The following TRAF3IP1 variants were observed in gnomAD, a reference collection of about 807,000 sequenced individuals.
TRAF3IP1 encodes intraflagellar transport 54, also known as TRAF3-interacting protein 1.
TRAF3IP1 carries 53 observed loss-of-function variants against 89.9 expected under a neutral mutation model. The observed-to-expected ratio is 0.59, with a 90% confidence interval of 0.47 to 0.74. The LOEUF is 0.74. Among genes scored for constraint, TRAF3IP1 ranks in the 30% least tolerant of loss-of-function variants. The pLI is 0.00. For missense variants in TRAF3IP1, 806 were observed against 866.1 expected, an observed-to-expected ratio of 0.93 and a Z score of 0.87; for synonymous variants, 311 against 322.1, an observed-to-expected ratio of 0.97 and a Z score of 0.37.
At chr2:238,326,962 C>A (rs750766671) in intron 3 of TRAF3IP1, among the ~76,000 whole-genome samples, 7 of 152,202 alleles carry the variant, frequency 4.6e-5, no homozygotes, top group Non-Finnish European at 7.3e-5. Flanking sequence ...TGTTTCTCAT[C>A]TTTCTAAAAA....
chr2:238,358,959 G>T (rs908154481), intron 15 of TRAF3IP1, among the ~76,000 whole-genome samples: 1 of 152,152 alleles, frequency 6.6e-6, no homozygotes, highest in Admixed American at 6.5e-5. Context: ...AATACTTCAG[G>T]CTTTTTGAGC....
At chr2:238,328,892 A>G in intron 4 of TRAF3IP1, 34 bp from the exon 5 acceptor site, 1 of 1,584,928 alleles carries the variant, frequency 6.3e-7, no homozygotes, top group South Asian at 1.2e-5. Context: ...TTTAGGTAAA[A>G]ATATTCATAA....
At chr2:238,352,057 C>T (rs1177317450) in intron 12 of TRAF3IP1, among the ~76,000 whole-genome samples, 1 of 151,580 alleles carries the variant, frequency 6.6e-6, no homozygotes, top group Admixed American at 6.6e-5. Flanking sequence ...GTGTTTGGGT[C>T]GGGGGCTCAC....
intron 5 of TRAF3IP1, among the ~76,000 whole-genome samples, chr2:238,331,932 C>T (rs1239243905): frequency 2.6e-5 from 4 of 152,178 alleles, no homozygotes; most frequent in Admixed American, 2.0e-4. Flanking sequence ...AGATCCTAGG[C>T]TACCTCATGG....
At chr2:238,356,385 T>C (rs1188980671) in intron 15 of TRAF3IP1, among the ~76,000 whole-genome samples, 2 of 152,062 alleles carry the variant, frequency 1.3e-5, no homozygotes, top group African/African-American at 2.4e-5. Context: ...TAGTCCCAGC[T>C]ACTTGGGGGG....
intron 15 of TRAF3IP1, among the ~76,000 whole-genome samples, chr2:238,392,898 G>A (rs1370128553): frequency 6.6e-6 from 1 of 152,212 alleles, no homozygotes; most frequent in African/African-American, 2.4e-5. Flanking sequence ...TTTATTGGTA[G>A]ATAGTTTTCC....
At chr2:238,364,286 A>G (rs1037657689) in intron 15 of TRAF3IP1, among the ~76,000 whole-genome samples, 3 of 152,232 alleles carry the variant, frequency 2.0e-5, no homozygotes, top group Admixed American at 6.5e-5. Flanking sequence ...ATAATACATT[A>G]TAGAATAAAT....
At chr2:238,341,550 A>ATTTTTTTT (rs1476448345) in intron 8 of TRAF3IP1, among the ~76,000 whole-genome samples, 1 of 147,326 alleles carries the variant, frequency 6.8e-6, no homozygotes, top group African/African-American at 2.6e-5. Flanking sequence ...TTTTTTTAAA[A>ATTTTTTTT]AAAAAACACT....
chr2:238,351,315 G>A lies in TRAF3IP1; in HGVS notation c.1452-1512G>A, dbSNP rs1397361534. Among the ~76,000 whole-genome samples the A allele has an allele frequency of 2.6e-5, 4 of 152,002 alleles. No individual in the cohort carries two copies. The highest frequency in any genetic ancestry group is 4.4e-5 in the Non-Finnish European group (3 of 67,988). On this transcript the variant is annotated intron_variant, in intron 12 of 16. Coordinates refer to ENST00000373327, the MANE Select transcript of TRAF3IP1 (RefSeq NM_015650.4). The surrounding 1 kb of genome is among the most constrained non-coding windows in gnomAD (Gnocchi z 5.2). ...TCCAGGAGGACTGGGTGGGACCATGGGTTGGCAGCTGATGGCAGCAATGAT... is the reference window on the plus strand; with the variant it reads ...TCCAGGAGGACTGGGTGGGACCATGAGTTGGCAGCTGATGGCAGCAATGAT...
intron 7 of TRAF3IP1, 46 bp from the exon 8 acceptor site, chr2:238,338,316 A>G: frequency 1.6e-6 from 2 of 1,231,294 alleles, no homozygotes; most frequent in Admixed American, 4.8e-5. Context: ...ACCAAACACA[A>G]AATCTTTTAT....
At position 238,397,553 on chromosome 2, in the gene TRAF3IP1, A is replaced by G. The variant is rs757200950; in HGVS notation, c.1784A>G (p.Lys595Arg). The change falls in exon 16 of 17, where the codon AAG (lysine) becomes AGG (arginine). Residue 595 changes from lysine to arginine, a missense_variant. Transcript: ENST00000373327. ...CGCACGTCCATCCAGACCCTGTGCA[A>G]GAGCGCACTTCCCCTGGGGAAGATC... ...KLRTSIQTLC[K>R]SALPLGKIMD... is the part of the protein sequence containing the mutation. 1.2e-6 allele frequency: 2 copies of G among 1,613,040 alleles called. No homozygotes were observed. Among genetic ancestry groups the G allele is most frequent in the South Asian group, 1.1e-5 (1 of 91,088 alleles).
At chr2:238,371,646 G>C (rs1422026411) in intron 15 of TRAF3IP1, among the ~76,000 whole-genome samples, 1 of 152,250 alleles carries the variant, frequency 6.6e-6, no homozygotes, top group South Asian at 2.1e-4. Context: ...ATGTGGTGGG[G>C]GTATTAGAAA....
intron 1 of TRAF3IP1, among the ~76,000 whole-genome samples, chr2:238,322,788 G>C (rs973647461): frequency 6.6e-6 from 1 of 150,908 alleles, no homozygotes; most frequent in Non-Finnish European, 1.5e-5. Context: ...CGACTGGTCT[G>C]CTCTTCTCCC....
intron 14 of TRAF3IP1, 39 bp from the exon 15 acceptor site, chr2:238,355,965 G>T: frequency 6.6e-7 from 1 of 1,521,316 alleles, no homozygotes; most frequent in East Asian, 2.3e-5. Flanking sequence ...TTGGGATAGA[G>T]AATAAACTTT....
chr2:238,327,405 C>G (rs912588041), intron 3 of TRAF3IP1, among the ~76,000 whole-genome samples: 4 of 152,180 alleles, frequency 2.6e-5, no homozygotes, highest in African/African-American at 7.2e-5. Context: ...CTAAATGGAG[C>G]CTGGCACGCG....
chr2:238,397,055 AG>A (rs2106385648), intron 15 of TRAF3IP1, among the ~76,000 whole-genome samples: 1 of 152,336 alleles, frequency 6.6e-6, no homozygotes, highest in South Asian at 2.1e-4. Flanking sequence ...CTGTAGGGTC[AG>A]GCCCTCATTC....
chr2:238,358,418 C>A (rs1691385245), intron 15 of TRAF3IP1, among the ~76,000 whole-genome samples: 2 of 152,154 alleles, frequency 1.3e-5, no homozygotes, highest in African/African-American at 4.8e-5. Flanking sequence ...CACTTGTAGT[C>A]CCAGCTACTC....
intron 8 of TRAF3IP1, among the ~76,000 whole-genome samples, chr2:238,342,497 T>C (rs1483440647): frequency 2.6e-5 from 4 of 152,106 alleles, no homozygotes; most frequent in African/African-American, 9.7e-5. Flanking sequence ...AAAGGTAAAA[T>C]TGTGAAAGTG....
rs770257120 is a variant in TRAF3IP1, at chr2:238,351,141, CAG to C, written c.1452-1685_1452-1684del. 4.7e-4 allele frequency among the ~76,000 whole-genome samples: 72 copies of C among 152,180 alleles called. No homozygotes were observed. The highest frequency in any genetic ancestry group is 8.1e-4 in the Non-Finnish European group (55 of 68,000). ...TGGAGCTTGCTGTTAGTGGTAGTGACAGGGGTGCCCCTGGGAGTGGGCGTCGA... is the reference window on the plus strand; with the variant it reads ...TGGAGCTTGCTGTTAGTGGTAGTGACGGGTGCCCCTGGGAGTGGGCGTCGA... On this transcript the variant is annotated intron_variant, in intron 12 of 16. Transcript: ENST00000373327. This position sits in a 1 kb window ranked among gnomAD's most constrained non-coding sequence, Gnocchi z 5.2.
Sources: gnomAD v4.1 joint callset for allele counts (sites outside exome capture counted in the v4.1 genomes callset) on GRCh38, gnomAD v4.1.1 for gene constraint, Gnocchi (gnomAD v3.1) non-coding constraint, MANE v1.5 for transcripts, NCBI Gene and HGNC (gene_info 2026-07-23, HGNC 2026-07-21) for gene names.